The following MAEL variants were observed in gnomAD, a reference collection of about 807,000 sequenced individuals.
The protein encoded by MAEL is maelstrom spermatogenic transposon silencer, also known as protein maelstrom homolog.
In MAEL, 46 loss-of-function variants were observed where a neutral mutation model predicts 62.0. The ratio of observed to expected loss-of-function variants is 0.74; its 90% CI spans 0.59 to 0.95. The LOEUF is 0.95. MAEL is among the 40% of genes least tolerant of loss of function. The probability of loss-of-function intolerance (pLI) is 0.00; values close to 1 mark genes in which losing one functional copy is unlikely to be tolerated. For missense variants in MAEL, 497 were observed against 526.8 expected (o/e 0.94, Z 0.55); for synonymous variants, 172 against 175.5 (o/e 0.98, Z 0.16).
intron 8 of MAEL, among the ~76,000 whole-genome samples, chr1:167,010,063 A>C (rs1461827229): frequency 1.3e-5 from 2 of 152,148 alleles, no homozygotes; most frequent in Admixed American, 1.3e-4. Flanking sequence ...CCATGTGTCA[A>C]GGGTTGGACC....
At chr1:166,978,636 T>C (rs573503070) in intron 1 of MAEL, among the ~76,000 whole-genome samples, 1 of 152,292 alleles carries the variant, frequency 6.6e-6, no homozygotes, top group South Asian at 2.1e-4. Flanking sequence ...GTTTAACCAC[T>C]TTCCCCAGGT....
chr1:166,991,877 A>G (rs913943951), intron 3 of MAEL, among the ~76,000 whole-genome samples: 1 of 152,238 alleles, frequency 6.6e-6, no homozygotes, highest in Non-Finnish European at 1.5e-5. Flanking sequence ...TTACATATTC[A>G]CACCACAAAA....
At chr1:167,019,754 T>G (rs1021090891) in intron 10 of MAEL, among the ~76,000 whole-genome samples, 1 of 152,172 alleles carries the variant, frequency 6.6e-6, no homozygotes, top group African/African-American at 2.4e-5. Flanking sequence ...TTATCCAGGA[T>G]GTAGTACCTT....
At chr1:167,002,089 A>G (rs936304634) in intron 5 of MAEL, among the ~76,000 whole-genome samples, 1 of 152,150 alleles carries the variant, frequency 6.6e-6, no homozygotes, top group Non-Finnish European at 1.5e-5. Flanking sequence ...CTCATGTGGT[A>G]CTTTACTAGT....
At chr1:167,003,921 T>G (rs776325177) in intron 5 of MAEL, among the ~76,000 whole-genome samples, 4 of 152,308 alleles carry the variant, frequency 2.6e-5, no homozygotes, top group Admixed American at 6.5e-5. Context: ...CTCAACTGTT[T>G]ACCAATTATT....
At chr1:166,980,956 G>A (rs1452011299) in intron 1 of MAEL, among the ~76,000 whole-genome samples, 2 of 152,114 alleles carry the variant, frequency 1.3e-5, no homozygotes, top group Non-Finnish European at 2.9e-5. Flanking sequence ...CTTCTTCCTG[G>A]CATAGGTCAA....
chr1:166,989,204 C>CG (rs1484528459), upstream of MAEL: 1 of 1,039,668 alleles, frequency 9.6e-7, no homozygotes, highest in Admixed American at 2.7e-5. Flanking sequence ...TGTTCCCCCG[C>CG]GGGGCAATGC....
chr1:166,986,945 CGTGTGTGTGTGTGTGTGT>C (rs58393275), upstream of MAEL, among the ~76,000 whole-genome samples: 3 of 147,030 alleles, frequency 2.0e-5, no homozygotes, highest in African/African-American at 7.5e-5. Flanking sequence ...AGGAAGGGGA[CGTGTGTGTGTGTGTGTGT>C]GTGTGTGTGT....
At chr1:167,011,378 G>T (rs1571272102) in intron 8 of MAEL, among the ~76,000 whole-genome samples, 1 of 152,216 alleles carries the variant, frequency 6.6e-6, no homozygotes, top group African/African-American at 2.4e-5. Context: ...AATCTGTAAA[G>T]CTTATGGATG....
At chr1:167,007,699 A>T (rs1466847962) in intron 8 of MAEL, among the ~76,000 whole-genome samples, 1 of 151,818 alleles carries the variant, frequency 6.6e-6, no homozygotes, top group Non-Finnish European at 1.5e-5. Flanking sequence ...CTGTAATTTC[A>T]ATCCAATACC....
At chr1:166,994,176 G>A in intron 5 of MAEL, 107 bp downstream of exon 5, 1 of 1,044,636 alleles carries the variant, frequency 9.6e-7, no homozygotes, top group South Asian at 1.6e-5. Flanking sequence ...AATAACTTTA[G>A]GTTATTGTTA....
At position 167,017,800 on chromosome 1, in the gene MAEL, A is replaced by T. The variant is rs186207246; in HGVS notation, c.909-27A>T. On this transcript the variant is annotated intron_variant, in intron 9 of 11. Coordinates refer to ENST00000367872, the MANE Select transcript of MAEL (RefSeq NM_032858.3). ...TTTAGTTGAATTAAATTAGATTCTG[A>T]TAGTGAGATTTTTATTTCTTTTAAA... 2.1e-5 allele frequency: 34 copies of T among 1,581,722 alleles called. No homozygotes were observed. In the African/African-American group the frequency reaches 3.3e-4, roughly 15 times the overall value.
At chr1:166,986,662 G>A (rs1183002600), upstream of MAEL, among the ~76,000 whole-genome samples, 9 of 152,216 alleles carry the variant, frequency 5.9e-5, no homozygotes, top group African/African-American at 9.6e-5. Flanking sequence ...TCCAGCTCAC[G>A]CAGAGAAGGG....
chr1:166,976,200 CTT>C (rs1663574110), intron 1 of MAEL, among the ~76,000 whole-genome samples: 1 of 152,208 alleles, frequency 6.6e-6, no homozygotes, highest in African/African-American at 2.4e-5. Context: ...CCATCCAACA[CTT>C]TATAGATTCC....
upstream of MAEL, chr1:166,988,994 C>T (rs928096850): frequency 4.4e-6 from 1 of 228,022 alleles, no homozygotes; most frequent in African/African-American, 2.2e-5. Flanking sequence ...CGCGGAAACA[C>T]CCGCAGCTCC....
At chr1:166,994,203 G>A in intron 5 of MAEL, 134 bp downstream of exon 5, 1 of 712,638 alleles carries the variant, frequency 1.4e-6, no homozygotes, top group Non-Finnish European at 2.3e-6. Context: ...CTGCATAGAT[G>A]TGATAGATGG....
At chr1:166,984,191 T>C (rs189833529), upstream of MAEL, among the ~76,000 whole-genome samples, 44 of 152,256 alleles carry the variant, frequency 2.9e-4, no homozygotes, top group East Asian at 5.6e-3. Context: ...TCCTTTTTTC[T>C]TACTCCTACA....
chr1:167,019,157 AC>A (rs921269087), intron 10 of MAEL, among the ~76,000 whole-genome samples: 8 of 152,218 alleles, frequency 5.3e-5, no homozygotes, highest in African/African-American at 1.7e-4. Context: ...TTTGGTTGTC[AC>A]ATCTGGGGAG....
At chr1:166,994,600 A>G (rs1664329246) in intron 5 of MAEL, among the ~76,000 whole-genome samples, 1 of 150,674 alleles carries the variant, frequency 6.6e-6, no homozygotes, top group Admixed American at 6.6e-5. Flanking sequence ...GAATAGGTTT[A>G]TTTTTAAATG....
Sources: gnomAD v4.1 joint callset for allele counts (sites outside exome capture counted in the v4.1 genomes callset) on GRCh38, gnomAD v4.1.1 for gene constraint, MANE v1.5 for transcripts, NCBI Gene and HGNC (gene_info 2026-07-23, HGNC 2026-07-21) for gene names.